The following OGDHL variants were observed in gnomAD, a reference collection of about 807,000 sequenced individuals.
The protein encoded by OGDHL is oxoglutarate dehydrogenase L.
Under a neutral mutation model 109.6 loss-of-function variants are expected in OGDHL, and 79 were observed. The observed-to-expected ratio is 0.72, with a 90% confidence interval of 0.60 to 0.87. The LOEUF is 0.87. Among genes scored for constraint, OGDHL ranks in the 40% least tolerant of loss-of-function variants. The pLI is 0.00. For synonymous variants in OGDHL, 528 were observed against 537.2 expected, an observed-to-expected ratio of 0.98 and a Z score of 0.24; for missense variants, 1,275 against 1,362.2, an observed-to-expected ratio of 0.94 and a Z score of 1.01.
In OGDHL at chr10:49,758,159, AG is replaced by A. The variant is rs1353856697; in HGVS notation, c.204+229del. Among the ~76,000 whole-genome samples the A allele has an allele frequency of 7.2e-5, 11 of 152,386 alleles. No homozygotes were observed. In the East Asian group the frequency reaches 2.1e-3, roughly 29 times the overall value. On this transcript the variant is annotated intron_variant, in intron 2 of 22. Transcript: ENST00000374103. ...CGACAAAGGGGGCACGGCAGGGCTC[AG>A]GTGTGGCTGAGCAGGACATGGCCAG... is the stretch of plus-strand genomic sequence containing the variant.
intron 20 of OGDHL, 46 bp downstream of exon 20, chr10:49,737,740 A>G: frequency 6.3e-7 from 1 of 1,593,078 alleles, no homozygotes; most frequent in Non-Finnish European, 8.6e-7. Flanking sequence ...ACAATGGGCC[A>G]CCGCCCCATT....
rs997297897 is a variant in OGDHL, at chr10:49,735,030, C to T, written c.*198G>A. ...GCACAGTAGCCTGCCTATAGGACTC[C>T]TCTGGCTCCCTCAGTCCTGGTAGAT... On this transcript the variant is annotated 3_prime_UTR_variant, in exon 23 of 23. Coordinates refer to ENST00000374103, the MANE Select transcript of OGDHL (RefSeq NM_018245.3). 6.8e-5 allele frequency: 40 copies of T among 590,264 alleles called. No homozygotes were observed. In the African/African-American group the frequency reaches 7.0e-4, roughly 10 times the overall value. The allele number at this position is 590,264 out of a possible 1,614,324, so 36.6% of individuals were successfully genotyped here. A position where few individuals can be genotyped will look rare whatever the true frequency, so the allele number is the denominator to read the frequency against.
At chr10:49,739,397 A>C (rs1841465941) in intron 17 of OGDHL, 4 of 434,892 alleles carry the variant, frequency 9.2e-6, no homozygotes, top group Non-Finnish European at 1.6e-5. Context: ...TATGGATTGG[A>C]AGAGTTAACA....
rs577577910 is a variant in OGDHL, at chr10:49,745,213, G to A, written c.1629+131C>T. ...TCCCCTTTGGTAACTGGGGCCTCTTGGGGACAAGGACCATAGTGGCTACTT... is the reference window on the plus strand; with the variant it reads ...TCCCCTTTGGTAACTGGGGCCTCTTAGGGACAAGGACCATAGTGGCTACTT... On this transcript the variant is annotated intron_variant, in intron 12 of 22. Coordinates refer to ENST00000374103, the MANE Select transcript of OGDHL (RefSeq NM_018245.3). The A allele has an allele frequency of 2.9e-4, 342 of 1,199,058 alleles. 6 individuals carry two copies. The South Asian group carries it at 4.9e-3, about 17-fold the overall frequency. 74.3% of individuals were successfully genotyped at this position (1,199,058 alleles called of 1,614,324 possible).
At chr10:49,760,217 A>G (rs1357638786) in intron 1 of OGDHL, among the ~76,000 whole-genome samples, 1 of 152,190 alleles carries the variant, frequency 6.6e-6, no homozygotes, top group Non-Finnish European at 1.5e-5. Flanking sequence ...TGAGCTTGGG[A>G]GCCTCTGAGT....
intron 4 of OGDHL, among the ~76,000 whole-genome samples, 162 bp downstream of exon 4, chr10:49,752,476 C>T (rs969875438): frequency 6.6e-6 from 1 of 152,216 alleles, no homozygotes; most frequent in Non-Finnish European, 1.5e-5. Flanking sequence ...GCATCCTTCT[C>T]AGGAACAACA....
intron 3 of OGDHL, among the ~76,000 whole-genome samples, chr10:49,754,325 A>T (rs183805847): frequency 3.3e-5 from 5 of 152,344 alleles, no homozygotes; most frequent in Admixed American, 3.3e-4. Flanking sequence ...AACTCATCAA[A>T]TATGTTTATA....
At position 49,745,404 on chromosome 10, in the gene OGDHL, C is replaced by A. The variant is rs757336394; in HGVS notation, c.1569G>T (p.Val523=). ...TCAGCTTGTCTGCGTACTTCTTCAGCACAGGCACCTGTCTGTGGATCTGCT... is the reference window on the plus strand; with the variant it reads ...TCAGCTTGTCTGCGTACTTCTTCAGAACAGGCACCTGTCTGTGGATCTGCT... ...MYKQIHRQVP[V]LKKYADKLIA... Residue 523 remains valine (V), a synonymous_variant, in exon 12 of 23, where the codon GTG becomes GTT. Transcript: ENST00000374103. The A allele has an allele frequency of 2.5e-6, 4 of 1,614,154 alleles. No homozygotes were observed. The South Asian group carries it at 4.4e-5, about 18-fold the overall frequency.
At position 49,736,471 on chromosome 10, in the gene OGDHL, G is replaced by A. The variant is rs200463642; in HGVS notation, c.2640C>T (p.Ala880=). 2.9e-5 allele frequency: 46 copies of A among 1,613,860 alleles called. No homozygotes were observed. In the Admixed American group the frequency reaches 7.7e-4, roughly 27 times the overall value. Residue 880 remains alanine (A), a synonymous_variant, in exon 21 of 23, where the codon GCC becomes GCT. Coordinates refer to ENST00000374103, the MANE Select transcript of OGDHL (RefSeq NM_018245.3). The part of the protein sequence containing the change: ...VIPEDGAAAR[A]PEQVQRLIFC... Reference sequence around the variant, plus strand: ...AGATGAGCCGCTGCACCTGCTCAGGGGCCCGTGCTGCGGCCCCATCTTCAG... The same window carrying A: ...AGATGAGCCGCTGCACCTGCTCAGGAGCCCGTGCTGCGGCCCCATCTTCAG...
chr10:49,745,664 G>T, intron 11 of OGDHL, 134 bp downstream of exon 11: 2 of 1,284,764 alleles, frequency 1.6e-6, no homozygotes, highest in South Asian at 1.4e-5. Context: ...TGCACAGATT[G>T]CTCTTGGTGG....
At chr10:49,735,976 G>A (rs1841130027) in intron 22 of OGDHL, 47 bp downstream of exon 22, 2 of 1,525,974 alleles carry the variant, frequency 1.3e-6, no homozygotes, top group Admixed American at 2.1e-5. Flanking sequence ...AGCCAGGACA[G>A]AGCCTCAGGG....
rs568722566 is a variant in OGDHL, at chr10:49,734,661, A to G, written c.*567T>C. 4.6e-5 allele frequency: 7 copies of G among 152,256 alleles called. No individual in the cohort carries two copies. The highest frequency in any genetic ancestry group is 1.7e-4 in the African/African-American group (7 of 41,540). 9.4% of individuals were successfully genotyped at this position (152,256 alleles called of 1,614,324 possible). A position where few individuals can be genotyped will look rare whatever the true frequency, so the allele number is the denominator to read the frequency against. On this transcript the variant is annotated 3_prime_UTR_variant, in exon 23 of 23. Coordinates refer to ENST00000374103, the MANE Select transcript of OGDHL (RefSeq NM_018245.3). ...GCAAATCTCTCTGAAGCATGTTTTT[A>G]TTTCTCTGTGATTTGGTTTTCTACT...
chr10:49,744,174 C>T (rs946565372), intron 13 of OGDHL, 52 bp from the exon 14 acceptor site: 1 of 1,595,806 alleles, frequency 6.3e-7, no homozygotes, highest in Non-Finnish European at 8.5e-7. Flanking sequence ...GGTTCTGATC[C>T]CCCTGGCCAG....
chr10:49,744,546 G>C lies in OGDHL; in HGVS notation c.1732+104C>G, dbSNP rs1842036176. On this transcript the variant is annotated intron_variant, in intron 13 of 22. Transcript: ENST00000374103. Reference sequence around the variant, plus strand: ...TCAGTGATAGAGCCTGCAGCCTCTAGACTAGGCAATGACAGCTGTCACCCA... The same window carrying C: ...TCAGTGATAGAGCCTGCAGCCTCTACACTAGGCAATGACAGCTGTCACCCA... 4.6e-6 allele frequency: 4 copies of C among 879,074 alleles called. No homozygotes were observed. In the East Asian group the frequency reaches 9.8e-5, roughly 22 times the overall value. The allele number at this position is 879,074 out of a possible 1,614,324, so 54.5% of individuals were successfully genotyped here.
At chr10:49,738,981 T>A (rs1363515655) in intron 17 of OGDHL, 1 of 152,678 alleles carries the variant, frequency 6.5e-6, no homozygotes, top group Non-Finnish European at 1.5e-5. Flanking sequence ...CTCACCTCCC[T>A]CCTCACTGAT....
At chr10:49,742,318 C>G (rs1440489964) in intron 15 of OGDHL, among the ~76,000 whole-genome samples, 3 of 74,246 alleles carry the variant, frequency 4.0e-5, no homozygotes, top group African/African-American at 1.4e-4. Flanking sequence ...ACACCCACCA[C>G]AAACACCACA....
At chr10:49,756,679 G>A in intron 3 of OGDHL, 97 bp downstream of exon 3, 1 of 1,222,456 alleles carries the variant, frequency 8.2e-7, no homozygotes. Flanking sequence ...GGCTCTCTGG[G>A]GAGATGATGT....
chr10:49,737,086 C>T (rs1841253657), intron 20 of OGDHL, among the ~76,000 whole-genome samples: 1 of 152,216 alleles, frequency 6.6e-6, no homozygotes, highest in Non-Finnish European at 1.5e-5. Context: ...GGTGAAGACT[C>T]TGGGGTAGAG....
chr10:49,761,628 G>A (rs1272449645), intron 1 of OGDHL, among the ~76,000 whole-genome samples: 1 of 152,172 alleles, frequency 6.6e-6, no homozygotes, highest in East Asian at 1.9e-4. Context: ...GGCGTCAAAG[G>A]GTCTCTCCGG....
Sources: gnomAD v4.1 joint callset for allele counts (sites outside exome capture counted in the v4.1 genomes callset) on GRCh38, gnomAD v4.1.1 for gene constraint, MANE v1.5 for transcripts, NCBI Gene and HGNC (gene_info 2026-07-23, HGNC 2026-07-21) for gene names.